Variants in ARHGAP39 observed in about 807,000 individuals in gnomAD.
ARHGAP39 encodes rho GTPase-activating protein 39.
In ARHGAP39, 44 loss-of-function variants were observed where a neutral mutation model predicts 106.9. The ratio of observed to expected loss-of-function variants is 0.41; its 90% CI spans 0.32 to 0.53. The LOEUF (loss-of-function observed/expected upper bound fraction) is 0.53. Ranked by LOEUF, ARHGAP39 falls within the 20% of genes least tolerant of loss-of-function variation. The probability of loss-of-function intolerance (pLI) is 0.21; values close to 1 mark genes in which losing one functional copy is unlikely to be tolerated. For synonymous variants in ARHGAP39, 768 were observed against 693.2 expected (o/e 1.11, Z -1.69); for missense variants, 1,496 against 1,577.3 (o/e 0.95, Z 0.87).
intron 3 of ARHGAP39, among the ~76,000 whole-genome samples, chr8:144,571,465 T>G (rs1313346424): frequency 6.6e-6 from 1 of 152,062 alleles, no homozygotes; most frequent in Non-Finnish European, 1.5e-5. Flanking sequence ...CGCAATAAAC[T>G]AGGTATTGAT....
At chr8:144,687,563 TGGCGGTGAGCAG>T (rs1822642943), upstream of ARHGAP39, among the ~76,000 whole-genome samples, 1 of 38,840 alleles carries the variant, frequency 2.6e-5, no homozygotes, top group African/African-American at 1.5e-4. Flanking sequence ...GACCACACAC[TGGCGGTGAGCAG>T]TTCCCACCCC....
At chr8:144,628,152 A>G (rs1820971954) in intron 1 of ARHGAP39, among the ~76,000 whole-genome samples, 2 of 152,160 alleles carry the variant, frequency 1.3e-5, no homozygotes, top group South Asian at 4.1e-4. Flanking sequence ...CCACACAGAG[A>G]CAGCGTCCTC....
chr8:144,621,295 G>T (rs1297099251), intron 1 of ARHGAP39, among the ~76,000 whole-genome samples: 2 of 152,290 alleles, frequency 1.3e-5, no homozygotes, highest in Non-Finnish European at 2.9e-5. Context: ...CTCTAGAACA[G>T]AAACCGCCCA....
chr8:144,640,475 A>G (rs1231686296), intron 1 of ARHGAP39, among the ~76,000 whole-genome samples: 1 of 152,150 alleles, frequency 6.6e-6, no homozygotes. Context: ...TCCAGGTAAG[A>G]CGTGACTTGC....
At chr8:144,626,979 C>A (rs1820934354) in intron 1 of ARHGAP39, among the ~76,000 whole-genome samples, 1 of 152,254 alleles carries the variant, frequency 6.6e-6, no homozygotes, top group Admixed American at 6.5e-5. Context: ...CTGTCGGGGC[C>A]ATGTTTGTCC....
intron 3 of ARHGAP39, among the ~76,000 whole-genome samples, chr8:144,571,223 G>A (rs544985812): frequency 2.0e-5 from 3 of 152,172 alleles, no homozygotes; most frequent in African/African-American, 7.2e-5. Flanking sequence ...ACATCGATGC[G>A]AAAATCCTCA....
At chr8:144,541,889 A>AT (rs1487719247) in intron 6 of ARHGAP39, among the ~76,000 whole-genome samples, 2 of 151,782 alleles carry the variant, frequency 1.3e-5, no homozygotes, top group Non-Finnish European at 2.9e-5. Context: ...ATGCTAGATG[A>AT]TATGGGAATT....
chr8:144,640,913 G>A (rs1315967648), intron 1 of ARHGAP39, among the ~76,000 whole-genome samples: 6 of 152,106 alleles, frequency 3.9e-5, no homozygotes, highest in East Asian at 1.9e-4. Flanking sequence ...TTTTAACCTC[G>A]CTAAATGCTC....
the ARHGAP39 span, among the ~76,000 whole-genome samples, chr8:144,694,088 G>T: frequency 6.6e-6 from 1 of 152,220 alleles, no homozygotes; most frequent in South Asian, 2.1e-4. Flanking sequence ...CAGACTCCAC[G>T]TTCAGAGAGA....
At chr8:144,588,395 C>T (rs967614244) in intron 2 of ARHGAP39, among the ~76,000 whole-genome samples, 1 of 152,256 alleles carries the variant, frequency 6.6e-6, no homozygotes, top group Non-Finnish European at 1.5e-5. Context: ...CCTCCTCGAA[C>T]ACTTCTCTGC....
chr8:144,662,020 T>G lies in ARHGAP39; in HGVS notation c.-82+23666A>C, dbSNP rs537957418. 2.0e-5 allele frequency among the ~76,000 whole-genome samples: 3 copies of G among 149,064 alleles called. No individual in the cohort carries two copies. The East Asian group carries it at 6.2e-4, about 31-fold the overall frequency. The stretch of plus-strand genomic sequence containing the variant: ...TGGGCCTCTTCCCTCATCCCCATTA[T>G]CCACCTTGGACCGTTCCCCACATCC... On this transcript the variant is annotated intron_variant, in intron 1 of 11. Transcript: ENST00000377307.
chr8:144,554,271 G>A (rs181067530), intron 4 of ARHGAP39, among the ~76,000 whole-genome samples: 17 of 152,320 alleles, frequency 1.1e-4, no homozygotes, highest in African/African-American at 3.8e-4. Context: ...GGCCTGGTAG[G>A]TGTGAGGGGC....
chr8:144,623,862 G>C (rs1301204739), intron 1 of ARHGAP39, among the ~76,000 whole-genome samples: 1 of 152,214 alleles, frequency 6.6e-6, no homozygotes, highest in African/African-American at 2.4e-5. Flanking sequence ...ACACAGAGCA[G>C]ACAAAAAGCC....
rs1198841921 is a variant in ARHGAP39 at position 144,529,253 on chromosome 8, GGCGGGACC to G, written c.*1161_*1168del. The G allele has an allele frequency of 1.3e-5, 3 of 228,198 alleles. No individual in the cohort carries two copies. The highest frequency in any genetic ancestry group is 2.5e-5 in the Non-Finnish European group (3 of 118,262). The allele number at this position is 228,198 out of a possible 1,614,324, so 14.1% of individuals were successfully genotyped here. A position where few individuals can be genotyped will look rare whatever the true frequency, so the allele number is the denominator to read the frequency against. The stretch of plus-strand genomic sequence containing the variant: ...TGCGTCGGGGCGAGCGTCTCAGCCG[GGCGGGACC>G]GCAAAGGCCCCGGGACCACCCGACT... On this transcript the variant is annotated 3_prime_UTR_variant, in exon 12 of 12. Coordinates refer to ENST00000377307, the MANE Select transcript of ARHGAP39 (RefSeq NM_025251.3).
rs117029995 is a variant in ARHGAP39, at chr8:144,646,525, C to T, written c.-82+39161G>A. ...AGCAGGGACACCAAAAGACAGGAGG[C>T]GAATCGGCTGCCTCTGAGAACAACT... On this transcript the variant is annotated intron_variant, in intron 1 of 11. Transcript: ENST00000377307. This position sits in a 1 kb window ranked among gnomAD's most constrained non-coding sequence, Gnocchi z 5.7. Among the ~76,000 whole-genome samples, 3,111 of 152,204 alleles carry T rather than the reference C, an allele frequency of 0.02. 216 individuals carry two copies. In the East Asian group the frequency reaches 0.25, roughly 12 times the overall value.
chr8:144,566,329 C>T (rs571354231), intron 3 of ARHGAP39, among the ~76,000 whole-genome samples: 10 of 149,940 alleles, frequency 6.7e-5, no homozygotes, highest in African/African-American at 2.5e-4. Context: ...CTTTGGGGGC[C>T]GAGGCAGGTG....
intron 1 of ARHGAP39, among the ~76,000 whole-genome samples, chr8:144,677,832 T>C (rs890131709): frequency 2.6e-5 from 4 of 152,192 alleles, no homozygotes; most frequent in African/African-American, 7.2e-5. Flanking sequence ...CTTTGTACTT[T>C]TGAACCACGT....
At chr8:144,545,859 G>A (rs1263623002) in intron 5 of ARHGAP39, 49 bp from the exon 6 acceptor site, 5 of 1,437,744 alleles carry the variant, frequency 3.5e-6, no homozygotes, top group Non-Finnish European at 4.6e-6. Flanking sequence ...GGAGGGCCAG[G>A]CAGGTGGGCC....
intron 7 of ARHGAP39, among the ~76,000 whole-genome samples, chr8:144,536,206 C>T (rs1330034428): frequency 1.3e-5 from 2 of 152,178 alleles, no homozygotes; most frequent in African/African-American, 4.8e-5. Flanking sequence ...TGTAGGCAAG[C>T]CCAGGAGGGA....
Sources: gnomAD v4.1 joint callset for allele counts (sites outside exome capture counted in the v4.1 genomes callset) on GRCh38, gnomAD v4.1.1 for gene constraint, Gnocchi (gnomAD v3.1) non-coding constraint, MANE v1.5 for transcripts, NCBI Gene and HGNC (gene_info 2026-07-23, HGNC 2026-07-21) for gene names.